VAT1L: variants seen among roughly 807,000 people sequenced by gnomAD.
The protein encoded by VAT1L is vesicle amine transport 1 like, also known as putative NADPH-dependent quinone oxidoreductase VAT1L.
Under a neutral mutation model 44.1 loss-of-function variants are expected in VAT1L, and 34 were observed. The ratio of observed to expected loss-of-function variants is 0.77; its 90% CI spans 0.59 to 1.03. The LOEUF is 1.03. Among genes scored for constraint, VAT1L ranks in the 50% least tolerant of loss-of-function variants. VAT1L has a pLI of 0.00. For synonymous variants in VAT1L, 253 were observed against 202.2 expected (o/e 1.25, Z -2.13); for missense variants, 615 against 538.8 (o/e 1.14, Z -1.40).
intron 7 of VAT1L, among the ~76,000 whole-genome samples, chr16:77,933,851 C>CT (rs1361411498): frequency 6.6e-6 from 1 of 152,134 alleles, no homozygotes; most frequent in African/African-American, 2.4e-5. Flanking sequence ...GGCACATAGC[C>CT]TAGGTCAGAG....
chr16:77,918,611 T>G (rs1353818746), intron 7 of VAT1L, among the ~76,000 whole-genome samples: 1 of 152,214 alleles, frequency 6.6e-6, no homozygotes, highest in Non-Finnish European at 1.5e-5. Flanking sequence ...CCCATTTGGC[T>G]GATCCATGCT....
rs947855919 is a variant in VAT1L, at chr16:77,913,242, G to C, written c.1077+28440G>C. ...TAAACGTACTGTCTTAAATTTTTAA[G>C]TGTATAGCACACTGTTAACTATATA... On this transcript the variant is annotated intron_variant, in intron 7 of 8. Coordinates refer to ENST00000302536, the MANE Select transcript of VAT1L (RefSeq NM_020927.3). 3.3e-5 allele frequency among the ~76,000 whole-genome samples: 5 copies of C among 152,146 alleles called. No homozygotes were observed. In the East Asian group the frequency reaches 9.7e-4, roughly 29 times the overall value.
At chr16:77,958,946 T>G (rs553579178) in intron 7 of VAT1L, among the ~76,000 whole-genome samples, 1 of 152,344 alleles carries the variant, frequency 6.6e-6, no homozygotes, top group South Asian at 2.1e-4. Context: ...AATAGCTGGT[T>G]GAATGTTTCT....
chr16:77,843,316 C>G (rs2016725856), intron 3 of VAT1L, among the ~76,000 whole-genome samples: 1 of 151,940 alleles, frequency 6.6e-6, no homozygotes, highest in Non-Finnish European at 1.5e-5. Context: ...GCTCATGGGG[C>G]TGGCAGGGTG....
chr16:77,824,099 A>ATGT (rs2016491176), intron 2 of VAT1L, among the ~76,000 whole-genome samples: 1 of 152,188 alleles, frequency 6.6e-6, no homozygotes, highest in Admixed American at 6.5e-5. Flanking sequence ...TAAGTTCCTC[A>ATGT]TGTTTGGCTA....
At chr16:77,840,565 T>C (rs1025858465) in intron 3 of VAT1L, among the ~76,000 whole-genome samples, 3 of 152,202 alleles carry the variant, frequency 2.0e-5, no homozygotes, top group African/African-American at 7.2e-5. Context: ...CTGTCTGGTA[T>C]TCAGATCTGT....
chr16:77,912,798 G>C (rs976915876), intron 7 of VAT1L, among the ~76,000 whole-genome samples: 1 of 152,072 alleles, frequency 6.6e-6, no homozygotes, highest in Non-Finnish European at 1.5e-5. Flanking sequence ...CTGGAGGCTC[G>C]CAAGTTCAAG....
At chr16:77,935,423 T>G (rs992913291) in intron 7 of VAT1L, among the ~76,000 whole-genome samples, 14 of 151,746 alleles carry the variant, frequency 9.2e-5, no homozygotes, top group African/African-American at 3.4e-4. Flanking sequence ...GCACGAGAAT[T>G]TTTTTTCAAA....
intron 7 of VAT1L, among the ~76,000 whole-genome samples, chr16:77,885,365 A>G (rs865877578): frequency 1.3e-5 from 2 of 152,146 alleles, no homozygotes; most frequent in African/African-American, 4.8e-5. Context: ...AAGAACCCCT[A>G]ATGGAGCCTC....
chr16:77,879,110 T>C lies in VAT1L; in HGVS notation c.827-59T>C. ...AAACAATTGCCATTTTTTTCATGCATAACAAGAGATGTCCATTTTCATTAG... is the reference window on the plus strand; with the variant it reads ...AAACAATTGCCATTTTTTTCATGCACAACAAGAGATGTCCATTTTCATTAG... On this transcript the variant is annotated intron_variant, in intron 5 of 8. Transcript: ENST00000302536. This position sits in a 1 kb window ranked among gnomAD's most constrained non-coding sequence, Gnocchi z 4.1. 6.4e-7 allele frequency: 1 copy of C among 1,572,206 alleles called. No individual in the cohort carries two copies. The highest frequency in any genetic ancestry group is 2.2e-5 in the East Asian group (1 of 44,640).
At chr16:77,878,210 G>C (rs1463341765) in intron 5 of VAT1L, among the ~76,000 whole-genome samples, 1 of 152,180 alleles carries the variant, frequency 6.6e-6, no homozygotes, top group African/African-American at 2.4e-5. Flanking sequence ...TATTATGCTG[G>C]TGTAAGGGTA....
chr16:77,896,182 TC>T (rs1243609306), intron 7 of VAT1L, among the ~76,000 whole-genome samples: 5 of 152,312 alleles, frequency 3.3e-5, no homozygotes, highest in African/African-American at 1.2e-4. Flanking sequence ...ACTCTGAGCC[TC>T]CCTGCCTTTG....
chr16:77,845,618 C>G (rs2016750801), intron 3 of VAT1L, among the ~76,000 whole-genome samples: 1 of 152,128 alleles, frequency 6.6e-6, no homozygotes, highest in Non-Finnish European at 1.5e-5. Flanking sequence ...AAGATGAACA[C>G]AAACACCTCT....
chr16:77,954,260 G>A (rs1351062426), intron 7 of VAT1L, among the ~76,000 whole-genome samples: 3 of 152,186 alleles, frequency 2.0e-5, no homozygotes, highest in African/African-American at 7.2e-5. Flanking sequence ...TGTAGTCACG[G>A]CTATCTGCTG....
Position 77,979,080 on chromosome 16 carries a change from T to C in VAT1L, c.*1385T>C, listed in dbSNP as rs2018371990. On this transcript the variant is annotated 3_prime_UTR_variant, in exon 9 of 9. Coordinates refer to ENST00000302536, the MANE Select transcript of VAT1L (RefSeq NM_020927.3). ...GTTTCTCCACCAACAAGCCTTAGGG[T>C]GGACCCAACCCTTTCCGCAAGTGGT... 1 of 152,508 alleles carries C rather than the reference T, an allele frequency of 6.6e-6. No individual in the cohort carries two copies. The highest frequency in any genetic ancestry group is 2.4e-5 in the African/African-American group (1 of 41,458). 9.4% of individuals were successfully genotyped at this position (152,508 alleles called of 1,614,324 possible). A position where few individuals can be genotyped will look rare whatever the true frequency, so the allele number is the denominator to read the frequency against.
intron 7 of VAT1L, among the ~76,000 whole-genome samples, chr16:77,900,053 G>C (rs969833755): frequency 1.9e-4 from 29 of 152,144 alleles, no homozygotes; most frequent in African/African-American, 7.0e-4. Flanking sequence ...GGCTATACCT[G>C]ACTCTACACC....
chr16:77,874,315 C>CA, intron 4 of VAT1L, among the ~76,000 whole-genome samples: 1 of 152,080 alleles, frequency 6.6e-6, no homozygotes, highest in East Asian at 1.9e-4. Context: ...CAAGAGTGAG[C>CA]AAACTTAGCA....
At chr16:77,889,813 G>T (rs749059665) in intron 7 of VAT1L, among the ~76,000 whole-genome samples, 1 of 152,194 alleles carries the variant, frequency 6.6e-6, no homozygotes, top group African/African-American at 2.4e-5. Context: ...TTAGCCAGGC[G>T]CAGTGGCTTA....
chr16:77,803,314 G>C (rs560687069), intron 1 of VAT1L, among the ~76,000 whole-genome samples: 1 of 152,166 alleles, frequency 6.6e-6, no homozygotes, highest in African/African-American at 2.4e-5. Flanking sequence ...AGAGCAGCAA[G>C]GACAGAACAT....
Sources: allele counts gnomAD v4.1 joint callset (sites outside exome capture counted in the v4.1 genomes callset), GRCh38; gene constraint gnomAD v4.1.1; non-coding constraint Gnocchi (gnomAD v3.1); transcripts MANE v1.5; gene names NCBI Gene and HGNC (gene_info 2026-07-23, HGNC 2026-07-21).